Variants in GPR158 observed in about 807,000 individuals in gnomAD.
GPR158 encodes G protein-coupled receptor 158.
Under a neutral mutation model 78.2 loss-of-function variants are expected in GPR158, and 30 were observed. The observed-to-expected ratio is 0.38, with a 90% CI of 0.29 to 0.52. The LOEUF (loss-of-function observed/expected upper bound fraction) is 0.52, where lower values mean the gene tolerates loss of function less well. Among genes scored for constraint, GPR158 ranks in the 20% least tolerant of loss-of-function variants. The pLI is 0.83. For synonymous variants in GPR158, 581 were observed against 591.1 expected, an observed-to-expected ratio of 0.98 and a Z score of 0.25; for missense variants, 1,463 against 1,523.5, an observed-to-expected ratio of 0.96 and a Z score of 0.66.
chr10:25,221,765 C>T (rs1853302854), intron 2 of GPR158, among the ~76,000 whole-genome samples: 1 of 152,152 alleles, frequency 6.6e-6, no homozygotes, highest in South Asian at 2.1e-4. Flanking sequence ...TTTGTAGTTT[C>T]AGAGAAGGAA....
At position 25,601,518 on chromosome 10, in the gene GPR158, C is replaced by A. The variant is rs1837497653; in HGVS notation, c.*2244C>A. The A allele has an allele frequency of 6.6e-6, 1 of 152,558 alleles. No individual in the cohort carries two copies. The highest frequency in any genetic ancestry group is 6.6e-5 in the Admixed American group (1 of 15,264). 9.5% of individuals were successfully genotyped at this position (152,558 alleles called of 1,614,324 possible). A position where few individuals can be genotyped will look rare whatever the true frequency, so the allele number is the denominator to read the frequency against. On this transcript the variant is annotated 3_prime_UTR_variant, in exon 11 of 11. Transcript: ENST00000376351. ...TATGCAGTCAAGCATCAGTGACTTTCTATTGCACTTCAGGATTGATCCTGC... is the reference window on the plus strand; with the variant it reads ...TATGCAGTCAAGCATCAGTGACTTTATATTGCACTTCAGGATTGATCCTGC...
intron 1 of GPR158, among the ~76,000 whole-genome samples, chr10:25,201,863 G>C (rs1852933811): frequency 6.6e-6 from 1 of 151,978 alleles, no homozygotes; most frequent in African/African-American, 2.4e-5. Context: ...ATATGCTGCT[G>C]GATTTGGTTT....
At chr10:25,334,352 G>A (rs1162853384) in intron 2 of GPR158, among the ~76,000 whole-genome samples, 1 of 151,994 alleles carries the variant, frequency 6.6e-6, no homozygotes, top group Non-Finnish European at 1.5e-5. Flanking sequence ...AATGCATTGA[G>A]AGCTTATTCT....
chr10:25,207,110 C>A (rs143951976), intron 1 of GPR158, among the ~76,000 whole-genome samples: 1 of 151,984 alleles, frequency 6.6e-6, no homozygotes, highest in African/African-American at 2.4e-5. Context: ...AGGAAATCTG[C>A]TCTTTGTCTG....
chr10:25,376,056 A>G (rs185437909), intron 2 of GPR158, among the ~76,000 whole-genome samples: 2 of 151,668 alleles, frequency 1.3e-5, no homozygotes, highest in East Asian at 1.9e-4. Flanking sequence ...TGATTTCTTT[A>G]GCAGCATTTT....
chr10:25,216,102 T>A (rs1463588573), intron 1 of GPR158, among the ~76,000 whole-genome samples: 5 of 152,314 alleles, frequency 3.3e-5, no homozygotes, highest in African/African-American at 1.2e-4. Flanking sequence ...CCCTTTTAGC[T>A]TTTGCTTGTT....
At chr10:25,388,262 A>G (rs1834248244) in intron 2 of GPR158, among the ~76,000 whole-genome samples, 1 of 152,230 alleles carries the variant, frequency 6.6e-6, no homozygotes, top group South Asian at 2.1e-4. Flanking sequence ...TGCCAGCTGC[A>G]TTGGTGAGGT....
chr10:25,507,206 T>C (rs1836024639), intron 5 of GPR158, among the ~76,000 whole-genome samples: 1 of 152,216 alleles, frequency 6.6e-6, no homozygotes, highest in Non-Finnish European at 1.5e-5. Context: ...AAAAATCATA[T>C]GGCTGTTCCT....
chr10:25,175,469 C>T lies in GPR158; in HGVS notation c.49C>T (p.Leu17=), dbSNP rs1446543364. Residue 17 remains leucine (L), a synonymous_variant, in exon 1 of 11, where the codon CTG becomes TTG. Coordinates refer to ENST00000376351, the MANE Select transcript of GPR158 (RefSeq NM_020752.3). This position sits in a 1 kb window ranked among gnomAD's most constrained non-coding sequence, Gnocchi z 6.4. ...PLLLCLLLAQ[L]GLGAVGASRD... ...ACTCCTCTGCCTCCTGCTTGCTCAG[C>T]TGGGATTGGGAGCTGTTGGCGCCAG... 3 of 1,608,152 alleles carry T rather than the reference C, an allele frequency of 1.9e-6. No homozygotes were observed. Among genetic ancestry groups the T allele is most frequent in the Non-Finnish European group, 2.5e-6 (3 of 1,177,266 alleles).
chr10:25,501,783 G>C (rs1379462223), intron 5 of GPR158, among the ~76,000 whole-genome samples: 2 of 152,160 alleles, frequency 1.3e-5, no homozygotes, highest in Admixed American at 6.5e-5. Context: ...CTGTGAAATA[G>C]ACTGAGGGAA....
At chr10:25,393,134 T>A (rs541967578) in intron 2 of GPR158, among the ~76,000 whole-genome samples, 2 of 152,350 alleles carry the variant, frequency 1.3e-5, no homozygotes, top group South Asian at 4.1e-4. Context: ...TCTAATCAAT[T>A]CAATTTTTTA....
intron 1 of GPR158, among the ~76,000 whole-genome samples, chr10:25,187,730 G>T (rs1441115628): frequency 1.3e-5 from 2 of 152,126 alleles, no homozygotes; most frequent in Non-Finnish European, 2.9e-5. Context: ...CACAAGACAG[G>T]GATGCCCTCT....
intron 4 of GPR158, among the ~76,000 whole-genome samples, chr10:25,439,623 T>C (rs1442888986): frequency 3.9e-5 from 6 of 152,116 alleles, no homozygotes; most frequent in Non-Finnish European, 8.8e-5. Context: ...ATTTTCCTAA[T>C]ATTCCTATAA....
chr10:25,254,427 A>T (rs566375080), intron 2 of GPR158, among the ~76,000 whole-genome samples: 1 of 152,190 alleles, frequency 6.6e-6, no homozygotes, highest in Non-Finnish European at 1.5e-5. Flanking sequence ...TTTAGTTTAA[A>T]TATTAATTTC....
intron 2 of GPR158, among the ~76,000 whole-genome samples, chr10:25,272,840 G>C (rs562195636): frequency 6.6e-6 from 1 of 152,280 alleles, no homozygotes; most frequent in Non-Finnish European, 1.5e-5. Flanking sequence ...AGAAAGGAAG[G>C]TTATCCAGGG....
intron 2 of GPR158, among the ~76,000 whole-genome samples, chr10:25,387,941 G>A (rs1455524758): frequency 2.0e-5 from 3 of 151,830 alleles, no homozygotes; most frequent in Admixed American, 2.0e-4. Flanking sequence ...TTTGATTACT[G>A]AATTTAATCT....
chr10:25,594,979 GATATA>G (rs1227386435), intron 9 of GPR158, among the ~76,000 whole-genome samples: 1 of 152,048 alleles, frequency 6.6e-6, no homozygotes, highest in African/African-American at 2.4e-5. Context: ...TTTTGTGTGT[GATATA>G]ATAGTAAGGC....
intron 5 of GPR158, among the ~76,000 whole-genome samples, chr10:25,548,502 C>T (rs1836692398): frequency 6.6e-6 from 1 of 152,170 alleles, no homozygotes; most frequent in South Asian, 2.1e-4. Context: ...GCTTACCACA[C>T]ACTATTACAT....
At chr10:25,587,164 T>C (rs551694095) in intron 7 of GPR158, among the ~76,000 whole-genome samples, 9 of 152,360 alleles carry the variant, frequency 5.9e-5, no homozygotes, top group African/African-American at 2.2e-4. Context: ...TGTCTCATTG[T>C]CCAGATGCAG....
Sources: allele counts gnomAD v4.1 joint callset (sites outside exome capture counted in the v4.1 genomes callset), GRCh38; gene constraint gnomAD v4.1.1; non-coding constraint Gnocchi (gnomAD v3.1); transcripts MANE v1.5; gene names NCBI Gene and HGNC (gene_info 2026-07-23, HGNC 2026-07-21).